Variants in FSTL4 observed in about 807,000 individuals in gnomAD.
FSTL4 encodes follistatin-related protein 4.
FSTL4 carries 28 observed loss-of-function variants against 78.2 expected under a neutral mutation model. The observed-to-expected ratio is 0.36, with a 90% CI of 0.27 to 0.49. FSTL4 has a LOEUF of 0.49. Among genes scored for constraint, FSTL4 ranks in the 20% least tolerant of loss-of-function variants. The pLI, the probability that FSTL4 is intolerant of heterozygous loss-of-function variation, is 0.98. For missense variants in FSTL4, 922 were observed against 1,084.9 expected, an observed-to-expected ratio of 0.85 and a Z score of 2.11; for synonymous variants, 422 against 440.5, an observed-to-expected ratio of 0.96 and a Z score of 0.53.
At chr5:133,301,539 A>T (rs534040490) in intron 6 of FSTL4, among the ~76,000 whole-genome samples, 1 of 152,202 alleles carries the variant, frequency 6.6e-6, no homozygotes, top group East Asian at 1.9e-4. Flanking sequence ...GTGGGCTTGG[A>T]AGTGCCGCTC....
intron 12 of FSTL4, among the ~76,000 whole-genome samples, chr5:133,218,546 T>G (rs73273868): frequency 0.019 from 2,962 of 152,274 alleles, 82 homozygotes; most frequent in African/African-American, 0.06. Flanking sequence ...GCCCTCTACA[T>G]TCGGTCTGCT....
At chr5:133,370,893 A>G (rs1755281743) in intron 4 of FSTL4, among the ~76,000 whole-genome samples, 1 of 152,208 alleles carries the variant, frequency 6.6e-6, no homozygotes, top group South Asian at 2.1e-4. Flanking sequence ...GGTTGGGGTC[A>G]TCGAGTGGGT....
chr5:133,599,194 C>T (rs758501908), intron 2 of FSTL4, among the ~76,000 whole-genome samples: 4 of 152,166 alleles, frequency 2.6e-5, no homozygotes, highest in African/African-American at 9.7e-5. Flanking sequence ...GTCTTAGCAG[C>T]CCAAGTACTA....
the FSTL4 span, among the ~76,000 whole-genome samples, chr5:133,642,509 T>C: frequency 1.3e-5 from 2 of 152,210 alleles, no homozygotes; most frequent in South Asian, 2.1e-4. Flanking sequence ...AAGACATCCA[T>C]GATACATGAT....
chr5:133,666,147 C>T, the FSTL4 span, among the ~76,000 whole-genome samples: 1 of 152,002 alleles, frequency 6.6e-6, no homozygotes, highest in African/African-American at 2.4e-5. Context: ...ATCTCATCTG[C>T]ACACGAACCT....
intron 6 of FSTL4, among the ~76,000 whole-genome samples, chr5:133,280,688 A>C (rs1242502051): frequency 6.6e-6 from 1 of 152,116 alleles, no homozygotes; most frequent in African/African-American, 2.4e-5. Context: ...ACCAAGGCCC[A>C]CTCAGAGCCA....
chr5:133,566,637 G>A (rs1054154832), intron 3 of FSTL4, among the ~76,000 whole-genome samples: 2 of 152,192 alleles, frequency 1.3e-5, no homozygotes, highest in African/African-American at 4.8e-5. Flanking sequence ...ACCCATATAT[G>A]TTTACCTCAG....
At chr5:133,240,053 C>G (rs903491056) in intron 7 of FSTL4, among the ~76,000 whole-genome samples, 1 of 152,208 alleles carries the variant, frequency 6.6e-6, no homozygotes, top group Non-Finnish European at 1.5e-5. Context: ...GCAATAAATG[C>G]TGCTGCTCAC....
At position 133,426,449 on chromosome 5, in the gene FSTL4, T is replaced by C. The variant is rs1271651020; in HGVS notation, c.161-25463A>G. Among the ~76,000 whole-genome samples the C allele has an allele frequency of 6.6e-6, 1 of 152,140 alleles. No homozygotes were observed. Among genetic ancestry groups the C allele is most frequent in the Non-Finnish European group, 1.5e-5 (1 of 68,014 alleles). ...GCCCTGCCCCCTCCGCACTCCCTAA[T>C]TGGAGAATGTCATGAAGTTGGTCTC... On this transcript the variant is annotated intron_variant, in intron 3 of 15. Transcript: ENST00000265342. This position sits in a 1 kb window ranked among gnomAD's most constrained non-coding sequence, Gnocchi z 5.0.
At chr5:133,250,261 GAT>G (rs1341636224) in intron 6 of FSTL4, among the ~76,000 whole-genome samples, 31 of 152,232 alleles carry the variant, frequency 2.0e-4, no homozygotes, top group Non-Finnish European at 4.4e-5. Flanking sequence ...AAGAATCTAA[GAT>G]AGTTCTCTGC....
intron 4 of FSTL4, among the ~76,000 whole-genome samples, chr5:133,335,287 A>G (rs763787691): frequency 6.6e-6 from 1 of 152,114 alleles, no homozygotes; most frequent in African/African-American, 2.4e-5. Context: ...GGAGCCTCTC[A>G]CAGGCCATGC....
At chr5:133,349,141 C>A (rs529035896) in intron 4 of FSTL4, among the ~76,000 whole-genome samples, 1 of 152,282 alleles carries the variant, frequency 6.6e-6, no homozygotes, top group Non-Finnish European at 1.5e-5. Flanking sequence ...GTCCTCTTTG[C>A]AGAGGGAAGG....
chr5:133,429,083 T>C (rs1178921070), intron 3 of FSTL4, among the ~76,000 whole-genome samples: 1 of 152,176 alleles, frequency 6.6e-6, no homozygotes, highest in Non-Finnish European at 1.5e-5. Flanking sequence ...CCATAGAGCA[T>C]TACCCTGTGA....
At chr5:133,308,951 G>GATCTCAT (rs1215003420) in intron 6 of FSTL4, among the ~76,000 whole-genome samples, 4 of 152,258 alleles carry the variant, frequency 2.6e-5, no homozygotes, top group Admixed American at 2.0e-4. Context: ...GATCTCATAG[G>GATCTCAT]AGTAATTAAA....
the FSTL4 span, among the ~76,000 whole-genome samples, chr5:133,792,125 G>A: frequency 6.6e-6 from 1 of 152,148 alleles, no homozygotes; most frequent in Admixed American, 6.5e-5. Context: ...CCCATCAACA[G>A]CCCCAGAAGG....
At chr5:133,619,372 C>T in the FSTL4 span, among the ~76,000 whole-genome samples, 2 of 152,110 alleles carry the variant, frequency 1.3e-5, no homozygotes, top group Non-Finnish European at 2.9e-5. Flanking sequence ...ATTTTCCTTC[C>T]TACTTAAATC....
chr5:133,392,339 G>C (rs1360073815), intron 4 of FSTL4, among the ~76,000 whole-genome samples: 1 of 152,114 alleles, frequency 6.6e-6, no homozygotes, highest in African/African-American at 2.4e-5. Flanking sequence ...GGAAATACCT[G>C]GAAGCAGCTG....
chr5:133,435,232 C>CT (rs1449381594), intron 3 of FSTL4, among the ~76,000 whole-genome samples: 1 of 152,096 alleles, frequency 6.6e-6, no homozygotes, highest in African/African-American at 2.4e-5. Flanking sequence ...TTTTATTTAA[C>CT]TTTTTAAGCC....
At chr5:133,288,641 C>A (rs1171138493) in intron 6 of FSTL4, among the ~76,000 whole-genome samples, 1 of 152,218 alleles carries the variant, frequency 6.6e-6, no homozygotes, top group Non-Finnish European at 1.5e-5. Context: ...TGCCTGAGCC[C>A]CTTGGCCCTG....
Sources: gnomAD v4.1 joint callset for allele counts (sites outside exome capture counted in the v4.1 genomes callset) on GRCh38, gnomAD v4.1.1 for gene constraint, Gnocchi (gnomAD v3.1) non-coding constraint, MANE v1.5 for transcripts, NCBI Gene and HGNC (gene_info 2026-07-23, HGNC 2026-07-21) for gene names.